FAM193A: variants seen among roughly 807,000 people sequenced by gnomAD.
The protein encoded by FAM193A is family with sequence similarity 193 member A.
FAM193A carries 22 observed loss-of-function variants against 126.5 expected under a neutral mutation model. The observed-to-expected ratio is 0.17, with a 90% CI of 0.12 to 0.25. FAM193A has a LOEUF of 0.25. Ranked by LOEUF, FAM193A falls within the 10% of genes least tolerant of loss-of-function variation. FAM193A has a pLI of 1.00. For missense variants in FAM193A, 1,675 were observed against 1,672.8 expected, an observed-to-expected ratio of 1.00 and a Z score of -0.02; for synonymous variants, 761 against 646.8, an observed-to-expected ratio of 1.18 and a Z score of -2.68.
chr4:2,624,295 C>G (rs1577089491), intron 2 of FAM193A, among the ~76,000 whole-genome samples: 2 of 152,126 alleles, frequency 1.3e-5, no homozygotes, highest in East Asian at 3.8e-4. Context: ...CAGGCGTGCC[C>G]CACCATGCCT....
intron 1 of FAM193A, among the ~76,000 whole-genome samples, chr4:2,580,208 G>C (rs1263671394): frequency 6.6e-6 from 1 of 152,130 alleles, no homozygotes; most frequent in Admixed American, 6.5e-5. Context: ...GTTTTCTGCA[G>C]ATTCTCCCTT....
intron 20 of FAM193A, among the ~76,000 whole-genome samples, chr4:2,718,300 GAC>G (rs1440701102): frequency 1.3e-5 from 2 of 151,950 alleles, no homozygotes; most frequent in Admixed American, 1.3e-4. Context: ...GAGAAAAAAA[GAC>G]ACAAAAAATA....
At chr4:2,547,043 G>GAA (rs1337835247) in intron 1 of FAM193A, among the ~76,000 whole-genome samples, 2 of 152,094 alleles carry the variant, frequency 1.3e-5, no homozygotes, top group African/African-American at 4.8e-5. Context: ...CTGGCCTCCC[G>GAA]AAGTGCTAGG....
intron 2 of FAM193A, among the ~76,000 whole-genome samples, chr4:2,603,384 A>G (rs1741330286): frequency 6.7e-6 from 1 of 150,330 alleles, no homozygotes; most frequent in Non-Finnish European, 1.5e-5. Flanking sequence ...TCTTGGGTTC[A>G]AGCCATTCTC....
At chr4:2,614,361 A>C (rs912487271) in intron 2 of FAM193A, among the ~76,000 whole-genome samples, 2 of 152,236 alleles carry the variant, frequency 1.3e-5, no homozygotes, top group African/African-American at 4.8e-5. Flanking sequence ...TACTCTCTAC[A>C]TCTGTTAAGA....
At chr4:2,679,987 A>C (rs1159776930) in intron 13 of FAM193A, among the ~76,000 whole-genome samples, 5 of 152,084 alleles carry the variant, frequency 3.3e-5, no homozygotes, top group Non-Finnish European at 7.4e-5. Flanking sequence ...CAGCCTCCAA[A>C]GTAACTGGAA....
rs1333647430 is a variant in FAM193A at position 2,713,277 on chromosome 4, G to A, written c.4373-2746G>A. 1.2e-4 allele frequency among the ~76,000 whole-genome samples: 17 copies of A among 137,638 alleles called. 2 individuals are homozygous for A. Among genetic ancestry groups the A allele is most frequent in the East Asian group, 6.8e-4 (3 of 4,384 alleles). 90.3% of individuals were successfully genotyped at this position (137,638 alleles called of 152,430 possible). On this transcript the variant is annotated intron_variant, in intron 19 of 20. Transcript: ENST00000637812. Reference sequence around the variant, plus strand: ...AAAAGTTAGCCAGGCGTGGTGGCGCGCACCTGTAGTCCCAGCTACTCGGGA... The same window carrying A: ...AAAAGTTAGCCAGGCGTGGTGGCGCACACCTGTAGTCCCAGCTACTCGGGA...
intron 2 of FAM193A, among the ~76,000 whole-genome samples, chr4:2,598,866 C>T (rs553763008): frequency 2.0e-5 from 3 of 152,328 alleles, no homozygotes; most frequent in African/African-American, 7.2e-5. Context: ...ATGGTGGCAT[C>T]TTCTCAGTTC....
intron 19 of FAM193A, among the ~76,000 whole-genome samples, chr4:2,711,067 T>C (rs972152397): frequency 2.0e-5 from 3 of 151,280 alleles, no homozygotes; most frequent in Non-Finnish European, 4.4e-5. Context: ...TTAGCCAGGA[T>C]GGTCTCGATC....
intron 8 of FAM193A, 124 bp downstream of exon 8, chr4:2,658,004 C>A: frequency 2.8e-6 from 2 of 704,230 alleles, no homozygotes; most frequent in Non-Finnish European, 4.9e-6. Flanking sequence ...GCATGTTTTG[C>A]CAGCGTTAAA....
At chr4:2,711,120 G>T (rs1023612836) in intron 19 of FAM193A, among the ~76,000 whole-genome samples, 1 of 152,040 alleles carries the variant, frequency 6.6e-6, no homozygotes, top group Non-Finnish European at 1.5e-5. Flanking sequence ...CCAAAGTGCT[G>T]GGATTACAGG....
intron 1 of FAM193A, among the ~76,000 whole-genome samples, chr4:2,552,578 C>A (rs1026362360): frequency 9.9e-5 from 15 of 151,892 alleles, no homozygotes; most frequent in African/African-American, 3.6e-4. Context: ...TCGCTCTGTC[C>A]CCATGCTGGA....
chr4:2,624,721 A>T (rs1742784388), intron 2 of FAM193A, among the ~76,000 whole-genome samples: 1 of 152,220 alleles, frequency 6.6e-6, no homozygotes, highest in Non-Finnish European at 1.5e-5. Flanking sequence ...AAAAAAATTT[A>T]TATAGAGATG....
intron 16 of FAM193A, 22 bp from the exon 17 acceptor site, chr4:2,694,924 G>A: frequency 6.4e-7 from 1 of 1,566,578 alleles, no homozygotes. Context: ...ACTTGCTGAT[G>A]AGCTTGTATG....
At chr4:2,657,027 C>T (rs973414605) in intron 7 of FAM193A, among the ~76,000 whole-genome samples, 1 of 152,072 alleles carries the variant, frequency 6.6e-6, no homozygotes, top group Non-Finnish European at 1.5e-5. Flanking sequence ...ATGAGCTGGG[C>T]GTGGTGGCGG....
chr4:2,565,071 G>T (rs993729336), intron 1 of FAM193A, among the ~76,000 whole-genome samples: 1 of 152,010 alleles, frequency 6.6e-6, no homozygotes, highest in African/African-American at 2.4e-5. Flanking sequence ...AGTACTGGGG[G>T]AGTATAGGAG....
intron 8 of FAM193A, among the ~76,000 whole-genome samples, chr4:2,658,585 T>G (rs995071946): frequency 6.6e-6 from 1 of 152,164 alleles, no homozygotes; most frequent in Non-Finnish European, 1.5e-5. Context: ...TCCAACTTCA[T>G]TGGTCTTTCT....
At chr4:2,546,954 A>T (rs769200638) in intron 1 of FAM193A, among the ~76,000 whole-genome samples, 1 of 152,070 alleles carries the variant, frequency 6.6e-6, no homozygotes, top group Non-Finnish European at 1.5e-5. Context: ...ATTATTATTA[A>T]TATTTTTTTA....
chr4:2,630,928 T>C lies in FAM193A; in HGVS notation c.804-7T>C. On this transcript the variant is annotated splice_polypyrimidine_tract_variant and splice_region_variant and intron_variant, in intron 4 of 20. Transcript: ENST00000637812. Reference sequence around the variant, plus strand: ...GGCAGGCCCTGGTGACCCTCTTCTCTGTGCAGGCTCTGCGAGAGGGACCCC... The same window carrying C: ...GGCAGGCCCTGGTGACCCTCTTCTCCGTGCAGGCTCTGCGAGAGGGACCCC... 1.3e-6 allele frequency: 2 copies of C among 1,528,082 alleles called. No homozygotes were observed. Among genetic ancestry groups the C allele is most frequent in the Non-Finnish European group, 1.8e-6 (2 of 1,105,572 alleles). 94.7% of individuals were successfully genotyped at this position (1,528,082 alleles called of 1,614,324 possible).
Sources: allele counts gnomAD v4.1 joint callset (sites outside exome capture counted in the v4.1 genomes callset), GRCh38; gene constraint gnomAD v4.1.1; transcripts MANE v1.5; gene names NCBI Gene and HGNC (gene_info 2026-07-23, HGNC 2026-07-21).